TBC1D9: variants seen among roughly 807,000 people sequenced by gnomAD.
The protein encoded by TBC1D9 is TBC1 domain family member 9, also known as TBC1 domain family member 9A.
A neutral mutation model predicts 132.0 loss-of-function variants in TBC1D9; 63 were observed. The observed-to-expected ratio is 0.48, with a 90% CI of 0.39 to 0.59. The LOEUF (loss-of-function observed/expected upper bound fraction) is 0.59. Among genes scored for constraint, TBC1D9 ranks in the 20% least tolerant of loss-of-function variants. The probability of loss-of-function intolerance (pLI) is 0.00; values close to 1 mark genes in which losing one functional copy is unlikely to be tolerated. For missense variants in TBC1D9, 1,261 were observed against 1,592.7 expected (o/e 0.79, Z 3.54); for synonymous variants, 610 against 609.9 (o/e 1.00, Z 0.00).
At chr4:140,663,619 C>T (rs1291723746) in intron 9 of TBC1D9, among the ~76,000 whole-genome samples, 2 of 151,960 alleles carry the variant, frequency 1.3e-5, no homozygotes, top group Non-Finnish European at 2.9e-5. Flanking sequence ...TCACAATAGC[C>T]AAGATATAGA....
At chr4:140,640,414 T>C (rs1156490010) in intron 13 of TBC1D9, among the ~76,000 whole-genome samples, 1 of 108,750 alleles carries the variant, frequency 9.2e-6, no homozygotes, top group Non-Finnish European at 1.7e-5. Flanking sequence ...TAGAGGAAGA[T>C]GACAAATATG....
At chr4:140,642,666 T>C in intron 13 of TBC1D9, 1 of 684,368 alleles carries the variant, frequency 1.5e-6, no homozygotes, top group Non-Finnish European at 2.6e-6. Context: ...GTCTGGTTCC[T>C]CTCCCTGGCT....
chr4:140,662,169 C>A (rs768139344), intron 9 of TBC1D9, 62 bp from the exon 10 acceptor site: 28 of 1,323,414 alleles, frequency 2.1e-5, no homozygotes, highest in Non-Finnish European at 2.7e-5. Flanking sequence ...TGGTTTGCAA[C>A]TACAGCTTAT....
intron 10 of TBC1D9, among the ~76,000 whole-genome samples, chr4:140,660,212 C>T (rs770097900): frequency 5.9e-5 from 9 of 152,120 alleles, no homozygotes; most frequent in South Asian, 4.1e-4. Context: ...CATTTCCATA[C>T]GGAGAGAGAT....
chr4:140,652,113 C>T (rs1169950534), intron 13 of TBC1D9, among the ~76,000 whole-genome samples: 3 of 152,036 alleles, frequency 2.0e-5, no homozygotes, highest in Middle Eastern at 3.4e-3. Context: ...TGGTGGTGCA[C>T]GCCTGTAGTT....
At chr4:140,701,462 G>T in intron 2 of TBC1D9, 42 bp downstream of exon 2, 2 of 1,498,568 alleles carry the variant, frequency 1.3e-6, no homozygotes, top group African/African-American at 1.4e-5. Context: ...TAACCCTAAC[G>T]CTTCTTTTAA....
intron 13 of TBC1D9, among the ~76,000 whole-genome samples, chr4:140,652,462 A>G (rs1386998909): frequency 6.6e-6 from 1 of 152,130 alleles, no homozygotes; most frequent in Non-Finnish European, 1.5e-5. Flanking sequence ...TTCCAAGTCA[A>G]TTAGTGATTT....
chr4:140,645,876 C>T (rs1324135929), intron 13 of TBC1D9, among the ~76,000 whole-genome samples: 4 of 152,218 alleles, frequency 2.6e-5, no homozygotes, highest in African/African-American at 7.2e-5. Context: ...GTATTCGGTC[C>T]TCCATGGCAT....
At chr4:140,729,442 C>A (rs144549581) in intron 1 of TBC1D9, among the ~76,000 whole-genome samples, 1 of 152,158 alleles carries the variant, frequency 6.6e-6, no homozygotes, top group Non-Finnish European at 1.5e-5. Context: ...CCCATGGAGG[C>A]ACCAGGGAGA....
At chr4:140,708,645 T>C (rs1176535832) in intron 1 of TBC1D9, among the ~76,000 whole-genome samples, 1 of 152,054 alleles carries the variant, frequency 6.6e-6, no homozygotes, top group Non-Finnish European at 1.5e-5. Context: ...AATGGCCAGG[T>C]GAGGGTCAGC....
chr4:140,639,548 C>T (rs2110976586), intron 13 of TBC1D9, 120 bp from the exon 14 acceptor site: 1 of 698,012 alleles, frequency 1.4e-6, no homozygotes, highest in East Asian at 2.7e-5. Flanking sequence ...ATATGATGGG[C>T]ATCCTACAGT....
chr4:140,739,104 C>T (rs1382142195), intron 1 of TBC1D9, among the ~76,000 whole-genome samples: 1 of 151,646 alleles, frequency 6.6e-6, no homozygotes, highest in Non-Finnish European at 1.5e-5. Flanking sequence ...TCAAGTGATT[C>T]TCGTGCCTCA....
rs200581012 is a variant in TBC1D9, at chr4:140,719,115, AAAATAAATAAAT to A, written c.131-17513_131-17502del. Among the ~76,000 whole-genome samples, 1,293 of 141,396 alleles carry A rather than the reference AAAATAAATAAAT, an allele frequency of 9.1e-3. 5 individuals carry two copies. Among genetic ancestry groups the A allele is most frequent in the South Asian group, 0.011 (47 of 4,276 alleles). The allele number at this position is 141,396 out of a possible 152,430, so 92.8% of individuals were successfully genotyped here. On this transcript the variant is annotated intron_variant, in intron 1 of 20. Coordinates refer to ENST00000442267, the MANE Select transcript of TBC1D9 (RefSeq NM_015130.3). ...GGGCGACAGAGCAGGACTCCATCTC[AAAATAAATAAAT>A]AAATAAATAAATAAATAAATAAATA...
intron 6 of TBC1D9, among the ~76,000 whole-genome samples, chr4:140,676,374 CG>C (rs1210116251): frequency 6.6e-6 from 1 of 152,170 alleles, no homozygotes; most frequent in Non-Finnish European, 1.5e-5. Context: ...ACATTTAGGC[CG>C]GGCACAGTGG....
At chr4:140,669,522 A>C in intron 8 of TBC1D9, 112 bp downstream of exon 8, 1 of 1,211,300 alleles carries the variant, frequency 8.3e-7, no homozygotes. Flanking sequence ...TGCTTAACTT[A>C]TAGGAAAATC....
chr4:140,668,475 T>C (rs2111007601), intron 9 of TBC1D9, among the ~76,000 whole-genome samples: 1 of 152,292 alleles, frequency 6.6e-6, no homozygotes, highest in East Asian at 1.9e-4. Context: ...ATCAAACACC[T>C]GGGCCTTTTT....
chr4:140,642,106 T>G, intron 13 of TBC1D9: 1 of 735,400 alleles, frequency 1.4e-6, no homozygotes. Context: ...TGCCAGGCCC[T>G]CTTGGTCAGC....
chr4:140,640,402 CGT>C (rs1405799541), intron 13 of TBC1D9, among the ~76,000 whole-genome samples: 8 of 124,644 alleles, frequency 6.4e-5, no homozygotes, highest in Middle Eastern at 8.2e-3. Context: ...ATAAGATAAA[CGT>C]AGAGGAAGAT....
intron 13 of TBC1D9, among the ~76,000 whole-genome samples, chr4:140,649,597 G>T (rs917490751): frequency 1.3e-5 from 2 of 152,316 alleles, no homozygotes; most frequent in Non-Finnish European, 2.9e-5. Context: ...ACGAGAGAGG[G>T]ATTCTCACAC....
Sources: allele counts gnomAD v4.1 joint callset (sites outside exome capture counted in the v4.1 genomes callset), GRCh38; gene constraint gnomAD v4.1.1; transcripts MANE v1.5; gene names NCBI Gene and HGNC (gene_info 2026-07-23, HGNC 2026-07-21).